Variants in EFR3B observed in about 807,000 individuals in gnomAD.
EFR3B encodes the protein protein EFR3 homolog B.
Under a neutral mutation model 104.7 loss-of-function variants are expected in EFR3B, and 64 were observed. That is an observed-to-expected ratio of 0.61 (90% CI 0.50 to 0.75). EFR3B has a LOEUF of 0.75. EFR3B is among the 30% of genes least tolerant of loss of function. The pLI is 0.00. For missense variants in EFR3B, 750 were observed against 1,078.5 expected (o/e 0.70, Z 4.27); for synonymous variants, 385 against 417.9 (o/e 0.92, Z 0.96).
intron 3 of EFR3B, among the ~76,000 whole-genome samples, chr2:25,102,167 G>A (rs1669446309): frequency 6.6e-6 from 1 of 152,170 alleles, no homozygotes; most frequent in Non-Finnish European, 1.5e-5. Flanking sequence ...GAGAGCTTGG[G>A]TATATTTAGC....
intron 5 of EFR3B, 98 bp downstream of exon 5, chr2:25,121,892 T>C (rs989255719): frequency 3.3e-5 from 49 of 1,485,912 alleles, no homozygotes; most frequent in Non-Finnish European, 4.5e-5. Flanking sequence ...TGTCTGCTTT[T>C]GTTAGTATCT....
At chr2:25,147,723 A>C (rs942426211) in intron 19 of EFR3B, 2 of 152,206 alleles carry the variant, frequency 1.3e-5, no homozygotes, top group Non-Finnish European at 2.9e-5. Context: ...GATTATGTTT[A>C]AATGATAGAG....
Position 25,133,437 on chromosome 2 carries a change from G to A in EFR3B, c.1311+3G>A, listed in dbSNP as rs1349794858. 31 of 1,552,424 alleles carry A rather than the reference G, an allele frequency of 2.0e-5. No homozygotes were observed. The highest frequency in any genetic ancestry group is 1.7e-4 in the Middle Eastern group (1 of 5,998). On this transcript the variant is annotated splice_donor_region_variant and intron_variant, in intron 12 of 22. Coordinates refer to ENST00000403714, the MANE Select transcript of EFR3B (RefSeq NM_014971.2). ...TGCTGCTAAAATCCCTCCTGCAGGTGAGCCCCATCTATCCCCATTCCTGCT... is the reference window on the plus strand; with the variant it reads ...TGCTGCTAAAATCCCTCCTGCAGGTAAGCCCCATCTATCCCCATTCCTGCT...
Position 25,091,320 on chromosome 2 carries a change from T to G in EFR3B, c.8-5T>G. ...TGCTCACAGTTTTTCCCATTCTTATTCCAGGTGTGTGTGGCTGCTGTGGTG... is the reference window on the plus strand; with the variant it reads ...TGCTCACAGTTTTTCCCATTCTTATGCCAGGTGTGTGTGGCTGCTGTGGTG... On this transcript the variant is annotated splice_polypyrimidine_tract_variant and splice_region_variant and intron_variant, in intron 1 of 22. Transcript: ENST00000403714. 1 of 1,550,054 alleles carries G rather than the reference T, an allele frequency of 6.5e-7. No individual in the cohort carries two copies. The highest frequency in any genetic ancestry group is 8.7e-7 in the Non-Finnish European group (1 of 1,146,330).
intron 4 of EFR3B, 43 bp from the exon 5 acceptor site, chr2:25,121,630 T>G (rs773001976): frequency 6.5e-7 from 1 of 1,550,232 alleles, no homozygotes; most frequent in South Asian, 1.2e-5. Flanking sequence ...AGAAGCATGG[T>G]GGGTCACCTC....
chr2:25,139,442 C>T (rs1670603481), intron 16 of EFR3B, among the ~76,000 whole-genome samples: 1 of 152,130 alleles, frequency 6.6e-6, no homozygotes, highest in Non-Finnish European at 1.5e-5. Context: ...CTGCCCCCTC[C>T]ACTTCCTGCC....
At chr2:25,053,693 A>G (rs746902175) in intron 1 of EFR3B, among the ~76,000 whole-genome samples, 2 of 152,160 alleles carry the variant, frequency 1.3e-5, no homozygotes, top group Non-Finnish European at 2.9e-5. Context: ...TCACGAGGTC[A>G]AGAGATTGAG....
intron 4 of EFR3B, among the ~76,000 whole-genome samples, chr2:25,121,113 G>T (rs1161779950): frequency 3.9e-5 from 6 of 152,100 alleles, no homozygotes; most frequent in African/African-American, 1.4e-4. Flanking sequence ...TGTTGGCCAG[G>T]CTGGTCTCGA....
chr2:25,121,598 G>A, intron 4 of EFR3B, 75 bp from the exon 5 acceptor site: 1 of 1,531,810 alleles, frequency 6.5e-7, no homozygotes, highest in South Asian at 1.2e-5. Flanking sequence ...CATGGCAGGG[G>A]GTCTGGGGAT....
chr2:25,128,355 G>C (rs1280198466), intron 6 of EFR3B, 23 bp downstream of exon 6: 1 of 1,551,368 alleles, frequency 6.4e-7, no homozygotes, highest in Admixed American at 2.0e-5. Flanking sequence ...GGATGGGGCA[G>C]GACAGTAGAT....
At chr2:25,056,060 A>G (rs1668011906) in intron 1 of EFR3B, among the ~76,000 whole-genome samples, 1 of 152,242 alleles carries the variant, frequency 6.6e-6, no homozygotes, top group South Asian at 2.1e-4. Context: ...ATACCTACAT[A>G]GCAGCCGGTG....
At chr2:25,061,586 C>G (rs1329616351) in intron 1 of EFR3B, among the ~76,000 whole-genome samples, 2 of 151,916 alleles carry the variant, frequency 1.3e-5, no homozygotes, top group Non-Finnish European at 2.9e-5. Flanking sequence ...CTCCACCTCC[C>G]AGGTTCAAGT....
chr2:25,142,476 C>T (rs934671970), intron 17 of EFR3B, among the ~76,000 whole-genome samples: 3 of 144,450 alleles, frequency 2.1e-5, no homozygotes, highest in Non-Finnish European at 3.0e-5. Context: ...TTAGGCCGGT[C>T]ACAGTGGCTT....
At chr2:25,047,299 C>T (rs1030162576) in intron 1 of EFR3B, among the ~76,000 whole-genome samples, 2 of 152,038 alleles carry the variant, frequency 1.3e-5, no homozygotes, top group Non-Finnish European at 2.9e-5. Flanking sequence ...GCACCAAGAA[C>T]CCCACAGCCT....
chr2:25,088,375 G>C (rs188951429), intron 1 of EFR3B, among the ~76,000 whole-genome samples: 1 of 152,266 alleles, frequency 6.6e-6, no homozygotes, highest in Non-Finnish European at 1.5e-5. Flanking sequence ...ACGTGTTTCA[G>C]ACCCACGTGG....
intron 4 of EFR3B, 29 bp from the exon 5 acceptor site, chr2:25,121,644 C>T (rs766317673): frequency 3.7e-5 from 58 of 1,551,292 alleles, no homozygotes; most frequent in Non-Finnish European, 4.8e-5. Flanking sequence ...TCACCTCTCT[C>T]GTGTGTTTCT....
intron 15 of EFR3B, 66 bp from the exon 16 acceptor site, chr2:25,138,992 TG>T: frequency 6.5e-7 from 1 of 1,540,576 alleles, no homozygotes; most frequent in Non-Finnish European, 8.8e-7. Context: ...AGAGGTCGGG[TG>T]GAGCGTTGGC....
chr2:25,076,445 C>G (rs1365930427), intron 1 of EFR3B, among the ~76,000 whole-genome samples: 1 of 152,088 alleles, frequency 6.6e-6, no homozygotes, highest in Non-Finnish European at 1.5e-5. Context: ...GTTAACTTAT[C>G]TAGTCTTCAC....
chr2:25,100,650 G>A (rs984427215), intron 3 of EFR3B, among the ~76,000 whole-genome samples: 6 of 152,112 alleles, frequency 3.9e-5, no homozygotes, highest in African/African-American at 1.2e-4. Flanking sequence ...CTGCCACCGC[G>A]CCTGGCTAAT....
Sources: allele counts gnomAD v4.1 joint callset (sites outside exome capture counted in the v4.1 genomes callset), GRCh38; gene constraint gnomAD v4.1.1; transcripts MANE v1.5; gene names NCBI Gene and HGNC (gene_info 2026-07-23, HGNC 2026-07-21).